Variants in TESPA1 observed in about 807,000 individuals in gnomAD.
The protein encoded by TESPA1 is thymocyte expressed, positive selection associated 1, also known as protein TESPA1.
Under a neutral mutation model 57.9 loss-of-function variants are expected in TESPA1, and 33 were observed. That is an observed-to-expected ratio of 0.57 (90% CI 0.43 to 0.76). The LOEUF (loss-of-function observed/expected upper bound fraction) is 0.76. Among genes scored for constraint, TESPA1 ranks in the 30% least tolerant of loss-of-function variants. TESPA1 has a pLI of 0.00. For missense variants in TESPA1, 618 were observed against 632.9 expected, an observed-to-expected ratio of 0.98 and a Z score of 0.25; for synonymous variants, 227 against 228.9, an observed-to-expected ratio of 0.99 and a Z score of 0.07.
At chr12:54,977,091 T>C (rs1952165592) in intron 1 of TESPA1, among the ~76,000 whole-genome samples, 1 of 152,006 alleles carries the variant, frequency 6.6e-6, no homozygotes, top group South Asian at 2.1e-4. Flanking sequence ...TTAGGTCTTA[T>C]CACTAACATA....
intron 10 of TESPA1, among the ~76,000 whole-genome samples, chr12:54,952,594 A>C (rs978861324): frequency 6.6e-6 from 1 of 152,214 alleles, no homozygotes; most frequent in Non-Finnish European, 1.5e-5. Flanking sequence ...CCAGAGATAA[A>C]GTTTATGCTG....
intron 10 of TESPA1, among the ~76,000 whole-genome samples, chr12:54,954,945 T>A (rs36121574): frequency 0.21 from 31,206 of 152,138 alleles, 5,449 homozygotes; most frequent in East Asian, 0.84. Flanking sequence ...TTTTGGATAA[T>A]TACCCAGAAA....
At chr12:54,955,089 G>A (rs34082086) in intron 10 of TESPA1, among the ~76,000 whole-genome samples, 31,193 of 151,972 alleles carry the variant, frequency 0.21, 5,432 homozygotes, top group East Asian at 0.84. Flanking sequence ...ACATCCTTGC[G>A]AACACGTATC....
intron 3 of TESPA1, among the ~76,000 whole-genome samples, chr12:54,969,021 G>GTGTGTTTATATATA (rs370590552): frequency 1.2e-5 from 1 of 83,676 alleles, no homozygotes; most frequent in Admixed American, 1.5e-4. Context: ...ATTTATATAT[G>GTGTGTTTATATATA]TATATATATA....
chr12:54,982,917 C>T (rs556545760), intron 1 of TESPA1, among the ~76,000 whole-genome samples: 1 of 152,282 alleles, frequency 6.6e-6, no homozygotes, highest in Non-Finnish European at 1.5e-5. Context: ...AATCTGAAAT[C>T]TGTGTTTAGG....
chr12:54,966,003 A>G (rs939829681), intron 7 of TESPA1, 50 bp downstream of exon 7: 5 of 1,530,792 alleles, frequency 3.3e-6, no homozygotes, highest in Admixed American at 2.0e-5. Context: ...CCATTCTCCT[A>G]TGCTTCTCAT....
At position 54,962,838 on chromosome 12, in the gene TESPA1, GC is replaced by G; in HGVS notation, c.1059del (p.Leu353PhefsTer24). 6.2e-7 allele frequency: 1 copy of G among 1,613,800 alleles called. No individual in the cohort carries two copies. Among genetic ancestry groups the G allele is most frequent in the Non-Finnish European group, 8.5e-7 (1 of 1,179,798 alleles). On this transcript the variant is annotated frameshift_variant, in exon 9 of 11. Coordinates refer to ENST00000449076, the MANE Select transcript of TESPA1 (RefSeq NM_001136030.3). LOFTEE classifies it high-confidence loss of function. ...DPVPPAEGKKLPTSPYPCVFC... is the reference protein window; with the variant it reads ...DPVPPAEGKKXPTSPYPCVFC... ...AAGACACATGGATAGGGAGAAGTGG[GC>G]AACTTCTTACCCTCAGCAGGGGGCA... is the stretch of plus-strand genomic sequence containing the variant.
chr12:54,966,887 A>C (rs1951473279), intron 5 of TESPA1, among the ~76,000 whole-genome samples: 2 of 152,198 alleles, frequency 1.3e-5, no homozygotes, highest in African/African-American at 4.8e-5. Flanking sequence ...AAACAGTCTT[A>C]AAGCTATCTG....
intron 10 of TESPA1, among the ~76,000 whole-genome samples, chr12:54,956,988 AG>A (rs1347293481): frequency 1.3e-5 from 2 of 152,168 alleles, no homozygotes; most frequent in Non-Finnish European, 2.9e-5. Context: ...CACCTCTCAA[AG>A]GTTTGACCTC....
intron 3 of TESPA1, among the ~76,000 whole-genome samples, chr12:54,971,195 A>G (rs1429525444): frequency 6.6e-6 from 1 of 152,244 alleles, no homozygotes. Context: ...AATGGAAACT[A>G]TATGGTCTTG....
intron 10 of TESPA1, among the ~76,000 whole-genome samples, chr12:54,952,191 C>A (rs1334780432): frequency 6.6e-6 from 1 of 152,164 alleles, no homozygotes; most frequent in Non-Finnish European, 1.5e-5. Context: ...CATGTGATAT[C>A]CTCTGCCATG....
intron 10 of TESPA1, among the ~76,000 whole-genome samples, chr12:54,954,667 T>TA (rs1950622196): frequency 6.6e-6 from 1 of 152,236 alleles, no homozygotes; most frequent in African/African-American, 2.4e-5. Flanking sequence ...CTCTAGTAAT[T>TA]ATACTGTATA....
chr12:54,960,696 C>T (rs1445583309), intron 10 of TESPA1, among the ~76,000 whole-genome samples: 1 of 152,134 alleles, frequency 6.6e-6, no homozygotes, highest in Non-Finnish European at 1.5e-5. Flanking sequence ...GGCTGACAGT[C>T]CACATTTCTA....
chr12:54,962,073 G>T (rs193093935), intron 9 of TESPA1, among the ~76,000 whole-genome samples: 14 of 152,308 alleles, frequency 9.2e-5, no homozygotes, highest in African/African-American at 3.4e-4. Context: ...TATTTGTCAA[G>T]GTAAGGGAGA....
Position 54,964,076 on chromosome 12 carries a change from CTG to C in TESPA1, c.447-128_447-127del, listed in dbSNP as rs565907691. ...TTTCTGTCCATTTCTCTACTTTTCA[CTG>C]TGACTTTGAGAAAAGCTTTCACTTC... On this transcript the variant is annotated intron_variant, in intron 7 of 10. Coordinates refer to ENST00000449076, the MANE Select transcript of TESPA1 (RefSeq NM_001136030.3). The C allele has an allele frequency of 5.5e-5, 55 of 1,006,922 alleles. No individual in the cohort carries two copies. In the African/African-American group the frequency reaches 7.6e-4, roughly 14 times the overall value. The allele number at this position is 1,006,922 out of a possible 1,614,324, so 62.4% of individuals were successfully genotyped here. A position where few individuals can be genotyped will look rare whatever the true frequency, so the allele number is the denominator to read the frequency against.
At chr12:54,960,421 G>A (rs963452761) in intron 10 of TESPA1, among the ~76,000 whole-genome samples, 1 of 152,150 alleles carries the variant, frequency 6.6e-6, no homozygotes, top group African/African-American at 2.4e-5. Context: ...GGGAGGGAGA[G>A]CTACCTTCAT....
intron 3 of TESPA1, among the ~76,000 whole-genome samples, chr12:54,969,043 A>C (rs887842203): frequency 8.4e-6 from 1 of 119,364 alleles, no homozygotes; most frequent in Non-Finnish European, 1.6e-5. Context: ...ATATATATAT[A>C]TATGTGTGTG....
At chr12:54,969,614 A>G (rs1387145127) in intron 3 of TESPA1, among the ~76,000 whole-genome samples, 2 of 152,244 alleles carry the variant, frequency 1.3e-5, no homozygotes, top group Non-Finnish European at 2.9e-5. Context: ...TAATAACTAT[A>G]CAACTTAATA....
At chr12:54,952,480 T>C (rs1950462612) in intron 10 of TESPA1, among the ~76,000 whole-genome samples, 3 of 152,258 alleles carry the variant, frequency 2.0e-5, no homozygotes, top group Admixed American at 2.0e-4. Context: ...ATCTTGACTT[T>C]CTATTTACAC....
Sources: allele counts gnomAD v4.1 joint callset (sites outside exome capture counted in the v4.1 genomes callset), GRCh38; gene constraint gnomAD v4.1.1; transcripts MANE v1.5; gene names NCBI Gene and HGNC (gene_info 2026-07-23, HGNC 2026-07-21).